The following MYH13 variants were observed in gnomAD, a reference collection of about 807,000 sequenced individuals.
The protein encoded by MYH13 is myosin-13.
A neutral mutation model predicts 232.1 loss-of-function variants in MYH13; 177 were observed. The ratio of observed to expected loss-of-function variants is 0.76; its 90% CI spans 0.67 to 0.86. The LOEUF (loss-of-function observed/expected upper bound fraction) is 0.86. MYH13 is among the 40% of genes least tolerant of loss of function. The pLI, the probability that MYH13 is intolerant of heterozygous loss-of-function variation, is 0.00. For missense variants in MYH13, 2,246 were observed against 2,405.9 expected, an observed-to-expected ratio of 0.93 and a Z score of 1.39; for synonymous variants, 884 against 923.5, an observed-to-expected ratio of 0.96 and a Z score of 0.78.
chr17:10,301,545 T>C, intron 40 of MYH13, 24 bp downstream of exon 40: 1 of 1,613,836 alleles, frequency 6.2e-7, no homozygotes, highest in South Asian at 1.1e-5. Flanking sequence ...AGCTGGCCCC[T>C]ATATCTCAGG....
At chr17:10,316,589 A>C (rs931967142) in intron 27 of MYH13, among the ~76,000 whole-genome samples, 3 of 152,328 alleles carry the variant, frequency 2.0e-5, no homozygotes, top group Admixed American at 6.5e-5. Context: ...TTTTAAGTGG[A>C]TCTTTGGGAT....
At chr17:10,363,969 A>G (rs1303527377) in intron 3 of MYH13, among the ~76,000 whole-genome samples, 3 of 152,174 alleles carry the variant, frequency 2.0e-5, no homozygotes, top group African/African-American at 7.2e-5. Context: ...AAGTGAGTCA[A>G]TGGCTCCTGA....
At chr17:10,312,830 G>A (rs1906558659) in intron 30 of MYH13, 73 bp from the exon 31 acceptor site, 1 of 1,481,468 alleles carries the variant, frequency 6.8e-7, no homozygotes, top group Middle Eastern at 1.8e-4. Flanking sequence ...CAGATGGGAA[G>A]AGAAATGAAT....
At chr17:10,307,631 GAGGTATGTTTCAGCAATAAAAT>G (rs1310854828) in intron 35 of MYH13, among the ~76,000 whole-genome samples, 1 of 152,158 alleles carries the variant, frequency 6.6e-6, no homozygotes, top group East Asian at 1.9e-4. Context: ...AAAACTCAGT[GAGGTATGTTTCAGCAATAAAAT>G]TGGTGAAGAT....
In MYH13 at chr17:10,309,613, TCTCC is replaced by T; in HGVS notation, c.4870_4873del (p.Gly1624ThrfsTer41). ...CAGCTGAATCTCCATCTCATTAAGG[TCTCC>T]CTCCATCTTCTTCTTTAGCCTCAGG... On this transcript the variant is annotated frameshift_variant, in exon 34 of 41. Transcript: ENST00000252172. LOFTEE classifies it high-confidence loss of function. 2 of 1,613,376 alleles carry T rather than the reference TCTCC, an allele frequency of 1.2e-6. No individual in the cohort carries two copies.
Position 10,331,064 on chromosome 17 carries a change from G to A in MYH13, c.2299-541C>T, listed in dbSNP as rs184000196. ...CAACAACAACAACGACAAAAACAAC[G>A]TGTGTTCCAGGCCCCACCAACCCAC... On this transcript the variant is annotated intron_variant, in intron 20 of 40. Coordinates refer to ENST00000252172, the MANE Select transcript of MYH13 (RefSeq NM_003802.3). 5.3e-5 allele frequency among the ~76,000 whole-genome samples: 8 copies of A among 152,072 alleles called. No homozygotes were observed. The South Asian group carries it at 1.2e-3, about 24-fold the overall frequency.
At position 10,338,949 on chromosome 17, in the gene MYH13, A is replaced by C. The variant is rs578005611; in HGVS notation, c.2056+1201T>G. 4.9e-3 allele frequency among the ~76,000 whole-genome samples: 742 copies of C among 151,814 alleles called. 3 individuals carry two copies. Among genetic ancestry groups the C allele is most frequent in the African/African-American group, 0.017 (708 of 41,398 alleles). ...ATCTCCTGACCTCGTGATCCACCCG[A>C]CTCGGCCTCCCAAAGTGCTGGGATT... On this transcript the variant is annotated intron_variant, in intron 18 of 40. Transcript: ENST00000252172.
chr17:10,306,554 C>A lies in MYH13; in HGVS notation c.5371G>T (p.Glu1791Ter), dbSNP rs1276356511. 2 of 1,614,026 alleles carry A rather than the reference C, an allele frequency of 1.2e-6. No homozygotes were observed. The highest frequency in any genetic ancestry group is 2.7e-5 in the African/African-American group (2 of 74,908). Residue 1791 changes from glutamate (E) to a stop codon, truncating the protein, a stop_gained, in exon 37 of 41, where the codon GAG (glutamate) becomes TAG (stop). Coordinates refer to ENST00000252172, the MANE Select transcript of MYH13 (RefSeq NM_003802.3). LOFTEE classifies it high-confidence loss of function. The surrounding 1 kb of genome is among the most constrained non-coding windows in gnomAD (Gnocchi z 4.3). ...AHLERMKKNL[E>*]QTVKDLQHRL... ...TGCTGCAGGTCCTTCACCGTCTGCT[C>A]CAGGTTCTTCTTCATCCGCTCCAGG...
At chr17:10,365,301 C>G (rs1004813584) in intron 2 of MYH13, among the ~76,000 whole-genome samples, 1 of 152,104 alleles carries the variant, frequency 6.6e-6, no homozygotes, top group Non-Finnish European at 1.5e-5. Flanking sequence ...TTTGGTTAGC[C>G]CCGTGAAAAG....
At position 10,362,431 on chromosome 17, in the gene MYH13, T is replaced by C; in HGVS notation, c.277A>G (p.Met93Val). The C allele has an allele frequency of 1.2e-6, 2 of 1,614,212 alleles. No individual in the cohort carries two copies. The highest frequency in any genetic ancestry group is 1.7e-6 in the Non-Finnish European group (2 of 1,180,040). The change falls in exon 4 of 41, where the codon ATG (methionine) becomes GTG (valine). Residue 93 changes from methionine to valine, a missense_variant. By Grantham distance (21) the Met-to-Val change is conservative (BLOSUM62 1). Coordinates refer to ENST00000252172, the MANE Select transcript of MYH13 (RefSeq NM_003802.3). ...GCAGGTTCATGCAGGTGAGTCATCATGGCCATGTCCTCGATCTTGTCAAAT... is the reference window on the plus strand; with the variant it reads ...GCAGGTTCATGCAGGTGAGTCATCACGGCCATGTCCTCGATCTTGTCAAAT... ...PKFDKIEDMAMMTHLHEPAVL... is the reference protein window; with the variant it reads ...PKFDKIEDMAVMTHLHEPAVL...
chr17:10,313,038 C>T (rs543684285), intron 30 of MYH13, 120 bp downstream of exon 30: 41 of 1,487,466 alleles, frequency 2.8e-5, no homozygotes, highest in African/African-American at 8.3e-5. Flanking sequence ...GGGTACAATC[C>T]GAGTGTTTCA....
chr17:10,345,483 C>T lies in MYH13; in HGVS notation c.1397G>A (p.Gly466Asp). The change falls in exon 14 of 41, where the codon GGC becomes GAC. Residue 466 changes from glycine (G) to aspartate (D), a missense_variant. By Grantham distance (94) the Gly-to-Asp change is moderately conservative (BLOSUM62 -1). Coordinates refer to ENST00000252172, the MANE Select transcript of MYH13 (RefSeq NM_003802.3). ...QYFIGVLDIA[G>D]FEIFDFNSLE... The stretch of plus-strand genomic sequence containing the variant: ...ACAACTCACATCAAAGATCTCAAAG[C>T]CAGCAATGTCCAAGACCCCGATGAA... 2 of 1,614,158 alleles carry T rather than the reference C, an allele frequency of 1.2e-6. No individual in the cohort carries two copies. The highest frequency in any genetic ancestry group is 2.2e-5 in the South Asian group (2 of 91,080).
chr17:10,321,696 A>G lies in MYH13; in HGVS notation c.2947T>C (p.Ser983Pro). ...HATENKVKNL[S>P]EEMTALEENI... ...TCTTCAAGTGCTGTCATTTCTTCGG[A>G]AAGATTCTTTACCTGGGACAATATT... Residue 983 changes from serine to proline, a missense_variant, in exon 24 of 41, where the codon TCC becomes CCC. Physicochemically the swap from Ser to Pro is moderately conservative, Grantham distance 74 (BLOSUM62 -1). Transcript: ENST00000252172. The G allele has an allele frequency of 6.2e-7, 1 of 1,612,598 alleles. No individual in the cohort carries two copies. Among genetic ancestry groups the G allele is most frequent in the Non-Finnish European group, 8.5e-7 (1 of 1,179,322 alleles).
chr17:10,322,168 G>A (rs1013365190), intron 23 of MYH13, among the ~76,000 whole-genome samples: 5 of 152,016 alleles, frequency 3.3e-5, no homozygotes, highest in African/African-American at 4.8e-5. Flanking sequence ...CGAGGCGGAC[G>A]GATCATGAGG....
chr17:10,314,455 A>G (rs1257178299), intron 29 of MYH13, among the ~76,000 whole-genome samples: 1 of 151,180 alleles, frequency 6.6e-6, no homozygotes, highest in Non-Finnish European at 1.5e-5. Flanking sequence ...CACTTTGCCT[A>G]AGAAGGAAAA....
chr17:10,323,080 C>G (rs1252349493), intron 23 of MYH13, among the ~76,000 whole-genome samples: 1 of 152,108 alleles, frequency 6.6e-6, no homozygotes, highest in Non-Finnish European at 1.5e-5. Flanking sequence ...CGTGGTGGAC[C>G]CTGGCACTGC....
chr17:10,340,521 T>A, intron 16 of MYH13, 120 bp from the exon 17 acceptor site: 1 of 736,684 alleles, frequency 1.4e-6, no homozygotes, highest in Non-Finnish European at 2.2e-6. Flanking sequence ...AGACTTGAGG[T>A]TTTGTTTGTT....
At chr17:10,357,694 A>G (rs2071759218) in intron 8 of MYH13, 41 bp downstream of exon 8, 3 of 1,570,534 alleles carry the variant, frequency 1.9e-6, no homozygotes, top group African/African-American at 1.4e-5. Context: ...AGGAGAGGGT[A>G]TGCTTTTGGG....
At chr17:10,353,967 G>GGAAGGAA (rs2071730166) in intron 11 of MYH13, among the ~76,000 whole-genome samples, 1 of 146,964 alleles carries the variant, frequency 6.8e-6, no homozygotes, top group Non-Finnish European at 1.5e-5. Flanking sequence ...AAGGAAGGAA[G>GGAAGGAA]GGAAAGACTC....
Sources: allele counts gnomAD v4.1 joint callset (sites outside exome capture counted in the v4.1 genomes callset), GRCh38; gene constraint gnomAD v4.1.1; non-coding constraint Gnocchi (gnomAD v3.1); transcripts MANE v1.5; gene names NCBI Gene and HGNC (gene_info 2026-07-23, HGNC 2026-07-21).